DNAJC27: variants seen among roughly 807,000 people sequenced by gnomAD.
The protein encoded by DNAJC27 is DnaJ heat shock protein family (Hsp40) member C27, also known as dnaJ homolog subfamily C member 27.
A neutral mutation model predicts 31.4 loss-of-function variants in DNAJC27; 25 were observed. The observed-to-expected ratio is 0.80, with a 90% confidence interval of 0.58 to 1.11. The LOEUF (loss-of-function observed/expected upper bound fraction) is 1.11, where lower values mean the gene tolerates loss of function less well. DNAJC27 is among the 50% of genes most tolerant of loss of function. The pLI, the probability that DNAJC27 is intolerant of heterozygous loss-of-function variation, is 0.00. For missense variants in DNAJC27, 356 were observed against 347.3 expected (o/e 1.02, Z -0.20); for synonymous variants, 106 against 112.7 (o/e 0.94, Z 0.37).
chr2:24,950,003 T>C (rs1427179639), intron 6 of DNAJC27, among the ~76,000 whole-genome samples: 2 of 146,578 alleles, frequency 1.4e-5, no homozygotes, highest in South Asian at 2.1e-4. Context: ...AGATCCTTAA[T>C]AGTCAAATAA....
At chr2:24,956,570 G>A (rs1157652870) in intron 5 of DNAJC27, among the ~76,000 whole-genome samples, 1 of 152,154 alleles carries the variant, frequency 6.6e-6, no homozygotes, top group Non-Finnish European at 1.5e-5. Flanking sequence ...AGGCAATTTT[G>A]CCACAGTAAT....
At position 24,968,248 on chromosome 2, in the gene DNAJC27, T is replaced by C. The variant is rs560038128; in HGVS notation, c.88-955A>G. On this transcript the variant is annotated intron_variant, in intron 1 of 6. Transcript: ENST00000264711. ...TTTATGGTTACACAATAGTCTGTGA[T>C]ATGCAAATATTCCCTCCATTTCATT... 5.3e-5 allele frequency among the ~76,000 whole-genome samples: 8 copies of C among 152,306 alleles called. No individual in the cohort carries two copies. In the East Asian group the frequency reaches 1.3e-3, roughly 26 times the overall value.
chr2:24,955,391 A>T (rs145901586), intron 5 of DNAJC27, among the ~76,000 whole-genome samples: 2 of 152,148 alleles, frequency 1.3e-5, no homozygotes, highest in African/African-American at 4.8e-5. Flanking sequence ...AAGAAAAATA[A>T]ATATAGCCTC....
At chr2:24,956,091 C>G (rs56340962) in intron 5 of DNAJC27, among the ~76,000 whole-genome samples, 230 of 152,320 alleles carry the variant, frequency 1.5e-3, no homozygotes, top group African/African-American at 5.2e-3. Context: ...CTTAATTCAG[C>G]CTGTCAGCCA....
At chr2:24,961,115 C>A (rs907423394) in intron 3 of DNAJC27, among the ~76,000 whole-genome samples, 1 of 152,158 alleles carries the variant, frequency 6.6e-6, no homozygotes, top group Non-Finnish European at 1.5e-5. Context: ...AGAGCTGTTA[C>A]GGGCTATATG....
chr2:24,949,478 G>A (rs537334035), intron 6 of DNAJC27, among the ~76,000 whole-genome samples: 24 of 152,192 alleles, frequency 1.6e-4, no homozygotes, highest in African/African-American at 5.3e-4. Context: ...CATCAATTCC[G>A]TTGAAGACGA....
intron 3 of DNAJC27, among the ~76,000 whole-genome samples, chr2:24,961,737 A>C (rs1175605452): frequency 6.6e-6 from 1 of 152,184 alleles, no homozygotes; most frequent in Non-Finnish European, 1.5e-5. Flanking sequence ...TAGGGCCTGA[A>C]GATGTGACTG....
intron 5 of DNAJC27, among the ~76,000 whole-genome samples, chr2:24,956,535 A>T (rs1183615053): frequency 6.6e-6 from 1 of 152,172 alleles, no homozygotes; most frequent in Admixed American, 6.5e-5. Flanking sequence ...GTGGGCTACA[A>T]TATAGGATTA....
rs770974883 is a variant in DNAJC27, at chr2:24,967,200, A to C, written c.170+11T>G. The C allele has an allele frequency of 6.2e-7, 1 of 1,606,920 alleles. No individual in the cohort carries two copies. The highest frequency in any genetic ancestry group is 1.7e-5 in the Admixed American group (1 of 59,926). On this transcript the variant is annotated intron_variant, in intron 2 of 6. Transcript: ENST00000264711. ...ATGTAACTTACAAACCCAGGGAAACAATATACTTACTTTGTGACTCCATAG... is the reference window on the plus strand; with the variant it reads ...ATGTAACTTACAAACCCAGGGAAACCATATACTTACTTTGTGACTCCATAG...
At chr2:24,953,513 T>C (rs1665831647) in intron 5 of DNAJC27, 1 of 225,434 alleles carries the variant, frequency 4.4e-6, no homozygotes, top group African/African-American at 2.3e-5. Flanking sequence ...ATTTATTAAA[T>C]TGAACCAGCA....
At chr2:24,952,189 TG>T (rs1336854968) in intron 5 of DNAJC27, among the ~76,000 whole-genome samples, 1 of 152,036 alleles carries the variant, frequency 6.6e-6, no homozygotes, top group Non-Finnish European at 1.5e-5. Flanking sequence ...TAAAGAAAAG[TG>T]TAAAATGAAA....
chr2:24,947,494 T>C lies in DNAJC27; in HGVS notation c.*122A>G, dbSNP rs1460316817. On this transcript the variant is annotated 3_prime_UTR_variant, in exon 7 of 7. Coordinates refer to ENST00000264711, the MANE Select transcript of DNAJC27 (RefSeq NM_016544.3). ...GGTACCTGAATTACTGATATACAAA[T>C]GACAACACATGAATGAAAAGAGCAG... The C allele has an allele frequency of 9.1e-5, 112 of 1,228,742 alleles. 1 individual carries two copies. In the East Asian group the frequency reaches 2.3e-3, roughly 25 times the overall value. 76.1% of individuals were successfully genotyped at this position (1,228,742 alleles called of 1,614,324 possible).
chr2:24,950,561 AGAG>A (rs1665745609), intron 6 of DNAJC27, among the ~76,000 whole-genome samples: 1 of 152,234 alleles, frequency 6.6e-6, no homozygotes. Flanking sequence ...ATACACACAC[AGAG>A]GGCTGGGTGT....
rs1665651800 is a variant in DNAJC27, at chr2:24,946,383, G to A, written c.*1233C>T. 6.6e-6 allele frequency: 1 copy of A among 152,292 alleles called. No individual in the cohort carries two copies. Among genetic ancestry groups the A allele is most frequent in the African/African-American group, 2.4e-5 (1 of 41,442 alleles). The allele number at this position is 152,292 out of a possible 1,614,324, so 9.4% of individuals were successfully genotyped here. A position where few individuals can be genotyped will look rare whatever the true frequency, so the allele number is the denominator to read the frequency against. ...AAGAGGGAGGAGGCAGTGGCCAGAA[G>A]CCAGGGACTCTAGAGGAGAGAAATG... On this transcript the variant is annotated 3_prime_UTR_variant, in exon 7 of 7. Coordinates refer to ENST00000264711, the MANE Select transcript of DNAJC27 (RefSeq NM_016544.3).
chr2:24,962,160 GAAGGATT>G (rs1477805355), intron 3 of DNAJC27, among the ~76,000 whole-genome samples: 1 of 151,668 alleles, frequency 6.6e-6, no homozygotes, highest in East Asian at 1.9e-4. Context: ...ATCAGTAACA[GAAGGATT>G]AACAGGAAAA....
At chr2:24,969,401 C>T in intron 1 of DNAJC27, 1 of 182,614 alleles carries the variant, frequency 5.5e-6, no homozygotes, top group Non-Finnish European at 1.2e-5. Context: ...CATAGACATC[C>T]AAGGAAGGTT....
chr2:24,948,393 G>T (rs1448908192), intron 6 of DNAJC27, among the ~76,000 whole-genome samples: 3 of 152,150 alleles, frequency 2.0e-5, no homozygotes, highest in Non-Finnish European at 2.9e-5. Flanking sequence ...AGAAGTGGAT[G>T]ATGAGCTGAA....
chr2:24,959,894 T>C (rs919097030), intron 3 of DNAJC27, among the ~76,000 whole-genome samples: 4 of 152,220 alleles, frequency 2.6e-5, no homozygotes, highest in African/African-American at 9.6e-5. Context: ...TCCAGCTGTC[T>C]TCCCTCCTAC....
chr2:24,963,570 A>T, intron 2 of DNAJC27, 96 bp from the exon 3 acceptor site: 2 of 980,330 alleles, frequency 2.0e-6, no homozygotes. Flanking sequence ...TGTGTATGCA[A>T]TTTAAGAAGC....
Sources: gnomAD v4.1 joint callset for allele counts (sites outside exome capture counted in the v4.1 genomes callset) on GRCh38, gnomAD v4.1.1 for gene constraint, MANE v1.5 for transcripts, NCBI Gene and HGNC (gene_info 2026-07-23, HGNC 2026-07-21) for gene names.